PAH: variants seen among roughly 807,000 people sequenced by gnomAD.
PAH encodes phenylalanine hydroxylase.
A neutral mutation model predicts 62.0 loss-of-function variants in PAH; 64 were observed. The observed-to-expected ratio is 1.03, with a 90% CI of 0.84 to 1.27. The LOEUF is 1.27. PAH is among the 50% of genes most tolerant of loss of function. PAH has a pLI of 0.00. For missense variants in PAH, 579 were observed against 542.8 expected (o/e 1.07, Z -0.66); for synonymous variants, 195 against 196.2 (o/e 0.99, Z 0.05).
At chr12:102,912,532 AAC>A (rs1368659666) in intron 2 of PAH, among the ~76,000 whole-genome samples, 5 of 152,160 alleles carry the variant, frequency 3.3e-5, no homozygotes, top group Non-Finnish European at 7.3e-5. Flanking sequence ...CATTTTACAA[AAC>A]ACATTATTTC....
Position 102,855,255 on chromosome 12 carries a change from G to C in PAH, c.587C>G (p.Ser196Cys). 6.2e-7 allele frequency: 1 copy of C among 1,614,072 alleles called. No homozygotes were observed. Among genetic ancestry groups the C allele is most frequent in the Non-Finnish European group, 8.5e-7 (1 of 1,179,962 alleles). ...TWGTVFKTLK[S>C]LYKTHACYEY... ...ATAGCAAGCATGGGTTTTATACAAG[G>C]ACTTCAGAGTCTTGAACACTGTGCC... is the stretch of plus-strand genomic sequence containing the variant. Residue 196 changes from serine (S) to cysteine (C), a missense_variant, in exon 6 of 13, where the codon TCC (serine) becomes TGC (cysteine). By Grantham distance (112) the Ser-to-Cys change is moderately radical. Transcript: ENST00000553106.
chr12:102,861,429 C>A (rs1486379716), intron 5 of PAH, among the ~76,000 whole-genome samples: 1 of 152,192 alleles, frequency 6.6e-6, no homozygotes, highest in Admixed American at 6.5e-5. Flanking sequence ...GTGGCAATTC[C>A]TCAAGGATCT....
rs1488232864 is a variant in PAH at position 102,843,743 on chromosome 12, C to T, written c.1102G>A (p.Glu368Lys). The change falls in exon 11 of 13, where the codon GAG (glutamate) becomes AAG (lysine). Residue 368 changes from glutamate (E) to lysine (K), a missense_variant. Coordinates refer to ENST00000553106, the MANE Select transcript of PAH (RefSeq NM_000277.3). ...LSEKPKLLPL[E>K]LEKTAIQNYT... ...TTTTGGATGGCTGTCTTCTCCAGCT[C>T]CAGGGGGAGAAGCTTTGGCTTCTCT... The T allele has an allele frequency of 8.7e-6, 14 of 1,613,576 alleles. No individual in the cohort carries two copies. The highest frequency in any genetic ancestry group is 1.2e-5 in the Non-Finnish European group (14 of 1,179,606).
chr12:102,929,772 A>C (rs2136747586), intron 1 of PAH, among the ~76,000 whole-genome samples: 1 of 152,252 alleles, frequency 6.6e-6, no homozygotes, highest in East Asian at 1.9e-4. Flanking sequence ...ATTTGAGAAA[A>C]ATTTAGAAAT....
chr12:102,845,976 C>G (rs1874824420), intron 9 of PAH, among the ~76,000 whole-genome samples: 1 of 152,206 alleles, frequency 6.6e-6, no homozygotes, highest in Admixed American at 6.5e-5. Context: ...GAAATTCTAT[C>G]TAGCTCTGTA....
Position 102,912,876 on chromosome 12 carries a change from T to C in PAH, c.83A>G (p.Asn28Ser). ...TGATATGGCACCATTTTGATTGCAG[T>C]TGTCTTCAATATAGCTTGTTTCCTA... ...FGQETSYIED[N>S]CNQNGAISLI... The change falls in exon 2 of 13, where the codon AAC becomes AGC. Residue 28 changes from asparagine (N) to serine (S), a missense_variant. Transcript: ENST00000553106. 2 of 1,612,082 alleles carry C rather than the reference T, an allele frequency of 1.2e-6. No individual in the cohort carries two copies.
At chr12:102,891,699 G>C (rs1025752702) in intron 3 of PAH, among the ~76,000 whole-genome samples, 7 of 152,118 alleles carry the variant, frequency 4.6e-5, no homozygotes, top group Non-Finnish European at 8.8e-5. Flanking sequence ...ACCGAGTGTG[G>C]TCGCCGTGCT....
intron 1 of PAH, among the ~76,000 whole-genome samples, chr12:102,943,764 T>C (rs1442679077): frequency 6.6e-6 from 1 of 152,136 alleles, no homozygotes; most frequent in Non-Finnish European, 1.5e-5. Context: ...TGCAGCAACA[T>C]GGATAGAGCT....
intron 5 of PAH, among the ~76,000 whole-genome samples, chr12:102,860,506 A>AG: frequency 6.6e-6 from 1 of 151,592 alleles, no homozygotes; most frequent in Non-Finnish European, 1.5e-5. Context: ...TATGGAACCA[A>AG]AAATAGCCCG....
At position 102,855,345 on chromosome 12, in the gene PAH, C is replaced by A; in HGVS notation, c.510-13G>T. The A allele has an allele frequency of 1.2e-6, 2 of 1,612,906 alleles. No individual in the cohort carries two copies. The highest frequency in any genetic ancestry group is 1.7e-6 in the Non-Finnish European group (2 of 1,179,038). Reference sequence around the variant, plus strand: ...GATGGGCTGCCCACTAGAATACAGGCACAAAATAGGTGTCTCAAGCAGGGC... The same window carrying A: ...GATGGGCTGCCCACTAGAATACAGGAACAAAATAGGTGTCTCAAGCAGGGC... On this transcript the variant is annotated splice_polypyrimidine_tract_variant and intron_variant, in intron 5 of 12. Transcript: ENST00000553106.
upstream of PAH, among the ~76,000 whole-genome samples, chr12:102,920,599 G>C (rs1878526933): frequency 6.6e-6 from 1 of 152,060 alleles, no homozygotes; most frequent in African/African-American, 2.4e-5. Context: ...CCCTTCTCTT[G>C]TTTTTTTATT....
At position 102,871,783 on chromosome 12, in the gene PAH, G is replaced by A. The variant is rs936568332; in HGVS notation, c.442-5120C>T. Among the ~76,000 whole-genome samples the A allele has an allele frequency of 2.3e-4, 35 of 151,934 alleles. 1 individual carries two copies. The highest frequency in any genetic ancestry group is 2.1e-4 in the South Asian group (1 of 4,804). ...GCTAAAAATACAAAATTAGTCAGGCGTGGTGGCGCATGCCTGTAATCCCAG... is the reference window on the plus strand; with the variant it reads ...GCTAAAAATACAAAATTAGTCAGGCATGGTGGCGCATGCCTGTAATCCCAG... On this transcript the variant is annotated intron_variant, in intron 4 of 12. Coordinates refer to ENST00000553106, the MANE Select transcript of PAH (RefSeq NM_000277.3).
intron 3 of PAH, among the ~76,000 whole-genome samples, chr12:102,879,613 G>A (rs924828188): frequency 6.6e-6 from 1 of 151,308 alleles, no homozygotes; most frequent in African/African-American, 2.4e-5. Context: ...TGTGGGGGGG[G>A]GGTACTATTA....
chr12:102,868,126 G>GTATATATATA (rs1182277046), intron 4 of PAH, among the ~76,000 whole-genome samples: 1 of 6,450 alleles, frequency 1.6e-4, no homozygotes, highest in Non-Finnish European at 4.8e-4. Flanking sequence ...ACATATATGT[G>GTATATATATA]TATATATATA....
rs1874396531 is a variant in PAH at position 102,837,121 on chromosome 12, A to G, written c.*2054T>C. 6.6e-6 allele frequency: 1 copy of G among 152,228 alleles called. No individual in the cohort carries two copies. The highest frequency in any genetic ancestry group is 1.9e-4 in the East Asian group (1 of 5,196). 9.4% of individuals were successfully genotyped at this position (152,228 alleles called of 1,614,324 possible). ...TTGCTCATTTACTAGAAATTAAACA[A>G]ATAAAAACACTTACATATTGGAAAT... is the stretch of plus-strand genomic sequence containing the variant. On this transcript the variant is annotated 3_prime_UTR_variant, in exon 13 of 13. Transcript: ENST00000553106.
chr12:102,855,458 A>G (rs1366215287), intron 5 of PAH, 126 bp from the exon 6 acceptor site: 2 of 717,838 alleles, frequency 2.8e-6, no homozygotes, highest in East Asian at 2.7e-5. Context: ...AGTGAATTTC[A>G]TACATTATTT....
At chr12:102,852,515 T>G (rs914173266) in intron 7 of PAH, among the ~76,000 whole-genome samples, 1 of 152,240 alleles carries the variant, frequency 6.6e-6, no homozygotes. Flanking sequence ...CACTTGTTCC[T>G]GTTCTCATTT....
rs199475617 is a variant in PAH, at chr12:102,855,297, T to C, written c.545A>G (p.Glu182Gly). The change falls in exon 6 of 13, where the codon GAA becomes GGA. Residue 182 changes from glutamate to glycine, a missense_variant. Transcript: ENST00000553106. ...CACTGTGCCCCATGTTTTCTTTTCT[T>C]CCTCCATGTATTCCACTCGAGGGAT... ...QPIPRVEYME[E>G]EKKTWGTVFK... The C allele has an allele frequency of 5.6e-6, 9 of 1,614,156 alleles. No homozygotes were observed. Among genetic ancestry groups the C allele is most frequent in the Middle Eastern group, 1.7e-4 (1 of 6,060 alleles).
Position 102,855,326 on chromosome 12 carries a change from C to G in PAH, c.516G>C (p.Gln172His), listed in dbSNP as rs192592111. Residue 172 changes from glutamine (Q) to histidine (H), a missense_variant, in exon 6 of 13, where the codon CAG (glutamine) becomes CAC (histidine). Coordinates refer to ENST00000553106, the MANE Select transcript of PAH (RefSeq NM_000277.3). ...ADIAYNYRHGQPIPRVEYMEE... is the reference protein window; with the variant it reads ...ADIAYNYRHGHPIPRVEYMEE... ...CCATGTATTCCACTCGAGGGATGGG[C>G]TGCCCACTAGAATACAGGCACAAAA... 6.2e-7 allele frequency: 1 copy of G among 1,614,030 alleles called. No homozygotes were observed.
Sources: allele counts gnomAD v4.1 joint callset (sites outside exome capture counted in the v4.1 genomes callset), GRCh38; gene constraint gnomAD v4.1.1; transcripts MANE v1.5; gene names NCBI Gene and HGNC (gene_info 2026-07-23, HGNC 2026-07-21).